Variants in MARCHF7 observed in about 807,000 individuals in gnomAD.
MARCHF7 encodes the protein E3 ubiquitin-protein ligase MARCHF7.
In MARCHF7, 20 loss-of-function variants were observed where a neutral mutation model predicts 76.5. The ratio of observed to expected loss-of-function variants is 0.26; its 90% CI spans 0.18 to 0.38. The LOEUF (loss-of-function observed/expected upper bound fraction) is 0.38. Ranked by LOEUF, MARCHF7 falls within the 10% of genes least tolerant of loss-of-function variation. MARCHF7 has a pLI of 1.00. For synonymous variants in MARCHF7, 295 were observed against 293.0 expected (o/e 1.01, Z -0.07); for missense variants, 797 against 812.9 (o/e 0.98, Z 0.24).
chr2:159,733,997 T>C, intron 4 of MARCHF7: 1 of 1,329,944 alleles, frequency 7.5e-7, no homozygotes, highest in Middle Eastern at 2.0e-4. Flanking sequence ...CTACTAATCT[T>C]GCTGTTACTT....
At chr2:159,717,520 CTT>C (rs34387320) in intron 3 of MARCHF7, among the ~76,000 whole-genome samples, 52,326 of 151,858 alleles carry the variant, frequency 0.34, 9,182 homozygotes, top group South Asian at 0.44. Flanking sequence ...ATGATAAAAA[CTT>C]TAAGTCATAC....
chr2:159,741,628 CAT>C (rs1162997160), intron 4 of MARCHF7, among the ~76,000 whole-genome samples: 1 of 152,072 alleles, frequency 6.6e-6, no homozygotes, highest in Non-Finnish European at 1.5e-5. Context: ...TCATGTTTAT[CAT>C]GTGAATTTTA....
chr2:159,767,229 T>A (rs1707907149), intron 11 of MARCHF7, 55 bp from the exon 12 acceptor site: 1 of 1,268,428 alleles, frequency 7.9e-7, no homozygotes. Flanking sequence ...TATTTACACT[T>A]CCCATTCTTA....
Position 159,748,799 on chromosome 2 carries a change from A to G in MARCHF7, c.1509A>G (p.Thr503=), listed in dbSNP as rs1265958413. ...GSNLTDNVMI[T]VDIIPSGWNS... ...ATTTGACCGACAATGTCATGATCAC[A>G]GTAGATATTATTCCTTCAGGTTGGA... is the stretch of plus-strand genomic sequence containing the variant. The change falls in exon 7 of 12, where the codon ACA becomes ACG. Residue 503 remains threonine (T), a synonymous_variant. Coordinates refer to ENST00000409175, the MANE Select transcript of MARCHF7 (RefSeq NM_001282805.2). 1.9e-6 allele frequency: 3 copies of G among 1,614,046 alleles called. No individual in the cohort carries two copies. Among genetic ancestry groups the G allele is most frequent in the East Asian group, 4.5e-5 (2 of 44,902 alleles).
chr2:159,770,584 G>A lies in MARCHF7; in HGVS notation c.*3242G>A, dbSNP rs1323717004. 6.6e-6 allele frequency: 1 copy of A among 152,118 alleles called. No individual in the cohort carries two copies. The highest frequency in any genetic ancestry group is 6.5e-5 in the Admixed American group (1 of 15,272). The allele number at this position is 152,118 out of a possible 1,614,324, so 9.4% of individuals were successfully genotyped here. ...TTCAGAAGAGGGATTACTTTTCTTT[G>A]AGCCTCAGACTTCTAGACAGTATAC... On this transcript the variant is annotated 3_prime_UTR_variant, in exon 12 of 12. Transcript: ENST00000409175.
chr2:159,763,734 TC>T lies in MARCHF7; in HGVS notation c.2007+742del, dbSNP rs200689966. 1.0e-3 allele frequency among the ~76,000 whole-genome samples: 154 copies of T among 152,338 alleles called. 1 individual carries two copies. In the East Asian group the frequency reaches 0.029, roughly 28 times the overall value. On this transcript the variant is annotated intron_variant, in intron 10 of 11. Coordinates refer to ENST00000409175, the MANE Select transcript of MARCHF7 (RefSeq NM_001282805.2). ...TTCGGTGATAAAAGTGTAGTAGAGTTCATGTAATGTTTTTATTTTGAAAATT... is the reference window on the plus strand; with the variant it reads ...TTCGGTGATAAAAGTGTAGTAGAGTTATGTAATGTTTTTATTTTGAAAATT...
At chr2:159,761,075 G>GA (rs1706996534) in intron 9 of MARCHF7, among the ~76,000 whole-genome samples, 1 of 150,660 alleles carries the variant, frequency 6.6e-6, no homozygotes, top group African/African-American at 2.5e-5. Context: ...GCCCAGGCTG[G>GA]AGTGCAGTGG....
At chr2:159,753,154 C>G (rs1574397399) in intron 8 of MARCHF7, among the ~76,000 whole-genome samples, 1 of 152,110 alleles carries the variant, frequency 6.6e-6, no homozygotes, top group African/African-American at 2.4e-5. Flanking sequence ...GAAGAGCACT[C>G]TAGCATAGGG....
At chr2:159,733,910 G>T in intron 4 of MARCHF7, 1 of 1,216,738 alleles carries the variant, frequency 8.2e-7, no homozygotes, top group African/African-American at 1.5e-5. Flanking sequence ...TTGGGAAAAT[G>T]TAGATTCTAA....
chr2:159,757,619 G>A (rs1330962280), intron 8 of MARCHF7, among the ~76,000 whole-genome samples: 1 of 152,214 alleles, frequency 6.6e-6, no homozygotes, highest in East Asian at 1.9e-4. Flanking sequence ...CTCCAGGCTA[G>A]GCAGCAGAGT....
At chr2:159,738,082 G>T (rs1410944503) in intron 4 of MARCHF7, among the ~76,000 whole-genome samples, 1 of 152,236 alleles carries the variant, frequency 6.6e-6, no homozygotes, top group East Asian at 1.9e-4. Flanking sequence ...GCATGGGCAA[G>T]TGAGCGCAGG....
intron 9 of MARCHF7, among the ~76,000 whole-genome samples, chr2:159,761,678 C>T (rs1172604909): frequency 6.6e-6 from 1 of 152,020 alleles, no homozygotes; most frequent in East Asian, 1.9e-4. Context: ...TCCCAAAATG[C>T]TGGGATTATA....
chr2:159,747,717 G>T (rs1270837371), intron 6 of MARCHF7, 88 bp from the exon 7 acceptor site: 1 of 1,270,800 alleles, frequency 7.9e-7, no homozygotes, highest in East Asian at 2.3e-5. Flanking sequence ...TTTGAATCCA[G>T]TGCTTCGTTT....
intron 4 of MARCHF7, among the ~76,000 whole-genome samples, chr2:159,739,389 A>G (rs978881894): frequency 2.6e-4 from 39 of 152,250 alleles, no homozygotes; most frequent in Non-Finnish European, 8.8e-5. Flanking sequence ...AATATCAAAC[A>G]TCAAGTTACT....
chr2:159,735,319 C>T (rs181571916), intron 4 of MARCHF7, among the ~76,000 whole-genome samples: 176 of 152,334 alleles, frequency 1.2e-3, no homozygotes, highest in Non-Finnish European at 2.1e-3. Context: ...CAGTGGATAA[C>T]ATTGATGTAA....
At chr2:159,733,668 TA>T in intron 4 of MARCHF7, 2 of 984,854 alleles carry the variant, frequency 2.0e-6, no homozygotes. Context: ...GGTCAGGGGG[TA>T]GGACATGATC....
intron 11 of MARCHF7, among the ~76,000 whole-genome samples, chr2:159,765,176 G>A (rs978646423): frequency 6.7e-6 from 1 of 150,150 alleles, no homozygotes; most frequent in Admixed American, 6.6e-5. Context: ...TGTTTTGTGG[G>A]TTTTTTGTTG....
At chr2:159,761,624 C>T (rs933588863) in intron 9 of MARCHF7, among the ~76,000 whole-genome samples, 1 of 151,616 alleles carries the variant, frequency 6.6e-6, no homozygotes, top group Non-Finnish European at 1.5e-5. Flanking sequence ...GTTGGCCAGG[C>T]TGTTCTTGAA....
At chr2:159,733,137 A>G (rs558451162) in intron 4 of MARCHF7, 359 of 700,258 alleles carry the variant, frequency 5.1e-4, no homozygotes, top group Non-Finnish European at 6.0e-4. Context: ...TTAAGATAAT[A>G]TCTGTAGGGT....
Sources: gnomAD v4.1 joint callset for allele counts (sites outside exome capture counted in the v4.1 genomes callset) on GRCh38, gnomAD v4.1.1 for gene constraint, MANE v1.5 for transcripts, NCBI Gene and HGNC (gene_info 2026-07-23, HGNC 2026-07-21) for gene names.